MCC: variants seen among roughly 807,000 people sequenced by gnomAD.
MCC encodes the protein colorectal mutant cancer protein.
MCC carries 90 observed loss-of-function variants against 116.2 expected under a neutral mutation model. That is an observed-to-expected ratio of 0.77 (90% CI 0.65 to 0.92). MCC has a LOEUF of 0.92. Ranked by LOEUF, MCC falls within the 40% of genes least tolerant of loss-of-function variation. MCC has a pLI of 0.00. For synonymous variants in MCC, 578 were observed against 510.5 expected (o/e 1.13, Z -1.78); for missense variants, 1,516 against 1,312.2 (o/e 1.16, Z -2.40).
At chr5:113,365,528 C>CTCT (rs1396746085) in intron 2 of MCC, among the ~76,000 whole-genome samples, 5 of 152,218 alleles carry the variant, frequency 3.3e-5, no homozygotes, top group African/African-American at 1.2e-4. Context: ...GCCCTCCACA[C>CTCT]TCTTCCAACC....
At chr5:113,133,881 A>G (rs1356918878) in intron 5 of MCC, among the ~76,000 whole-genome samples, 3 of 152,112 alleles carry the variant, frequency 2.0e-5, no homozygotes, top group Non-Finnish European at 2.9e-5. Flanking sequence ...CCTGTTGGCC[A>G]TTTGTACGTC....
intron 1 of MCC, among the ~76,000 whole-genome samples, chr5:113,391,670 G>A (rs1330691734): frequency 6.6e-6 from 1 of 151,958 alleles, no homozygotes; most frequent in Non-Finnish European, 1.5e-5. Flanking sequence ...AGCGAGCTAT[G>A]ATTGTACTAC....
chr5:113,154,221 C>T (rs1760043803), intron 3 of MCC, among the ~76,000 whole-genome samples: 1 of 152,212 alleles, frequency 6.6e-6, no homozygotes, highest in African/African-American at 2.4e-5. Flanking sequence ...CAGGCTATAG[C>T]ATAAATATTG....
chr5:113,033,993 C>A (rs1449678463), intron 17 of MCC, among the ~76,000 whole-genome samples: 1 of 152,212 alleles, frequency 6.6e-6, no homozygotes, highest in African/African-American at 2.4e-5. Context: ...CTCAAGCAAT[C>A]CCCTCACCTC....
At chr5:113,118,595 C>T (rs889558584) in intron 6 of MCC, among the ~76,000 whole-genome samples, 2 of 152,160 alleles carry the variant, frequency 1.3e-5, no homozygotes, top group Non-Finnish European at 2.9e-5. Flanking sequence ...CTTTGGAGAT[C>T]GGCAAATACA....
chr5:113,279,097 T>G (rs1215898231), intron 3 of MCC, among the ~76,000 whole-genome samples: 1 of 152,204 alleles, frequency 6.6e-6, no homozygotes, highest in Non-Finnish European at 1.5e-5. Context: ...AAAGGTTAAC[T>G]TCTTTTCTGA....
At chr5:113,461,388 T>G (rs759368763) in intron 1 of MCC, among the ~76,000 whole-genome samples, 11 of 152,306 alleles carry the variant, frequency 7.2e-5, no homozygotes, top group Non-Finnish European at 1.6e-4. Flanking sequence ...AACCAAGGCA[T>G]GAAAGTGTGA....
chr5:113,478,087 C>G (rs1057482759), intron 1 of MCC, among the ~76,000 whole-genome samples: 2 of 152,182 alleles, frequency 1.3e-5, no homozygotes, highest in East Asian at 3.8e-4. Flanking sequence ...TGCAATACCA[C>G]TCCACTTTTT....
At chr5:113,243,510 A>G (rs1764457101) in intron 3 of MCC, among the ~76,000 whole-genome samples, 2 of 152,200 alleles carry the variant, frequency 1.3e-5, no homozygotes, top group African/African-American at 4.8e-5. Context: ...ACAGGCTTTG[A>G]CTGAAAGAAT....
intron 3 of MCC, chr5:113,294,911 G>C (rs1251265548): frequency 1.0e-6 from 1 of 985,416 alleles, no homozygotes; most frequent in African/African-American, 1.7e-5. Context: ...TCACGCCGAA[G>C]TTTCCCCTTC....
chr5:113,301,962 C>T (rs1186329180), intron 3 of MCC, among the ~76,000 whole-genome samples: 1 of 152,192 alleles, frequency 6.6e-6, no homozygotes, highest in Non-Finnish European at 1.5e-5. Context: ...ATCCAGTTTA[C>T]ATTTTTAAAA....
At chr5:113,294,740 C>G (rs954558445) in intron 3 of MCC, 12 of 996,682 alleles carry the variant, frequency 1.2e-5, no homozygotes, top group South Asian at 9.3e-5. Flanking sequence ...TGCCTCGCCG[C>G]CCCCCATTAC....
intron 18 of MCC, among the ~76,000 whole-genome samples, chr5:113,028,127 T>C (rs1203148598): frequency 4.6e-5 from 7 of 152,198 alleles, no homozygotes; most frequent in African/African-American, 1.2e-4. Flanking sequence ...TTCTCCCAGA[T>C]AGTCTGAGGA....
chr5:113,324,097 G>A (rs1320288037), intron 3 of MCC, among the ~76,000 whole-genome samples: 3 of 152,152 alleles, frequency 2.0e-5, no homozygotes, highest in African/African-American at 4.8e-5. Context: ...CCTCTGCGGT[G>A]TTGCAAGGGA....
intron 2 of MCC, among the ~76,000 whole-genome samples, chr5:113,379,651 A>G (rs375641271): frequency 6.6e-6 from 1 of 152,358 alleles, no homozygotes. Flanking sequence ...TATTGCTACA[A>G]GTATTAAATT....
chr5:113,167,071 C>T (rs1462924784), intron 3 of MCC, among the ~76,000 whole-genome samples: 1 of 152,124 alleles, frequency 6.6e-6, no homozygotes, highest in East Asian at 1.9e-4. Flanking sequence ...TGCAGCCCTG[C>T]CTGGGAGTTT....
At chr5:113,374,286 G>A (rs1768926426) in intron 2 of MCC, among the ~76,000 whole-genome samples, 1 of 151,064 alleles carries the variant, frequency 6.6e-6, no homozygotes, top group Non-Finnish European at 1.5e-5. Context: ...GATCTTAACA[G>A]TGTTTGACAG....
intron 3 of MCC, among the ~76,000 whole-genome samples, chr5:113,290,795 T>G (rs912025472): frequency 3.3e-5 from 5 of 152,186 alleles, no homozygotes; most frequent in African/African-American, 1.2e-4. Flanking sequence ...GGGAGAGAGG[T>G]TGAATTCAAA....
At chr5:113,383,778 T>A (rs1769181845) in intron 2 of MCC, among the ~76,000 whole-genome samples, 1 of 152,172 alleles carries the variant, frequency 6.6e-6, no homozygotes, top group South Asian at 2.1e-4. Context: ...TAAAGTAGAA[T>A]ATATGAAGGT....
Sources: allele counts gnomAD v4.1 joint callset (sites outside exome capture counted in the v4.1 genomes callset), GRCh38; gene constraint gnomAD v4.1.1; transcripts MANE v1.5; gene names NCBI Gene and HGNC (gene_info 2026-07-23, HGNC 2026-07-21).